Variants in CNTN5 observed in about 807,000 individuals in gnomAD.
CNTN5 encodes contactin-5.
A neutral mutation model predicts 129.1 loss-of-function variants in CNTN5; 77 were observed. The observed-to-expected ratio is 0.60, with a 90% confidence interval of 0.50 to 0.72. The LOEUF is 0.72. Among genes scored for constraint, CNTN5 ranks in the 30% least tolerant of loss-of-function variants. The pLI is 0.00. For missense variants in CNTN5, 1,478 were observed against 1,328.8 expected (o/e 1.11, Z -1.75); for synonymous variants, 509 against 465.6 (o/e 1.09, Z -1.20).
At position 99,194,495 on chromosome 11, in the gene CNTN5, C is replaced by G. The variant is rs151053860; in HGVS notation, c.-209-130851C>G. On this transcript the variant is annotated intron_variant, in intron 1 of 24. Coordinates refer to ENST00000524871, the MANE Select transcript of CNTN5 (RefSeq NM_014361.4). ...TATTATCCCCAAAAGCTGAAGTTCT[C>G]TAATATAATAATTTGATTATGAGAA... is the stretch of plus-strand genomic sequence containing the variant. Among the ~76,000 whole-genome samples, 12 of 152,218 alleles carry G rather than the reference C, an allele frequency of 7.9e-5. No homozygotes were observed. In the East Asian group the frequency reaches 2.3e-3, roughly 29 times the overall value.
intron 7 of CNTN5, among the ~76,000 whole-genome samples, chr11:99,927,782 C>T (rs933884597): frequency 1.8e-4 from 28 of 152,124 alleles, no homozygotes; most frequent in African/African-American, 6.5e-4. Flanking sequence ...TATTATTCCA[C>T]CTCTGGCCCC....
At chr11:99,249,006 G>A (rs1424560373) in intron 1 of CNTN5, among the ~76,000 whole-genome samples, 1 of 152,158 alleles carries the variant, frequency 6.6e-6, no homozygotes, top group Non-Finnish European at 1.5e-5. Flanking sequence ...TGCGAAGAAA[G>A]TCATTTGTAG....
At chr11:99,166,685 T>C (rs1398569565) in intron 1 of CNTN5, among the ~76,000 whole-genome samples, 1 of 152,026 alleles carries the variant, frequency 6.6e-6, no homozygotes, top group African/African-American at 2.4e-5. Flanking sequence ...GAACAATAGT[T>C]ATACAGCTGA....
chr11:99,707,886 A>G (rs1261934572), intron 3 of CNTN5, among the ~76,000 whole-genome samples: 1 of 151,568 alleles, frequency 6.6e-6, no homozygotes, highest in Non-Finnish European at 1.5e-5. Flanking sequence ...TGGGAAACCT[A>G]TTTTATCATT....
chr11:100,159,550 T>C (rs1947369903), intron 13 of CNTN5, among the ~76,000 whole-genome samples: 1 of 151,940 alleles, frequency 6.6e-6, no homozygotes, highest in Non-Finnish European at 1.5e-5. Flanking sequence ...CCAGAGCTTG[T>C]ATTTAGAGTT....
intron 1 of CNTN5, among the ~76,000 whole-genome samples, chr11:99,186,267 G>A (rs1472595245): frequency 6.6e-6 from 1 of 151,830 alleles, no homozygotes; most frequent in Non-Finnish European, 1.5e-5. Flanking sequence ...ACACAATAGA[G>A]AGAAATACTT....
intron 8 of CNTN5, among the ~76,000 whole-genome samples, chr11:99,973,211 G>T (rs1937694276): frequency 6.6e-6 from 1 of 152,120 alleles, no homozygotes; most frequent in Admixed American, 6.5e-5. Context: ...TATTCAGTCA[G>T]ATTATGAAAC....
chr11:99,086,167 A>G (rs765081722), intron 1 of CNTN5, among the ~76,000 whole-genome samples: 12 of 152,166 alleles, frequency 7.9e-5, no homozygotes, highest in Non-Finnish European at 1.6e-4. Flanking sequence ...CACTTGTTCC[A>G]GGTCAGGATA....
At chr11:99,068,403 G>A (rs1169298592) in intron 1 of CNTN5, among the ~76,000 whole-genome samples, 1 of 152,154 alleles carries the variant, frequency 6.6e-6, no homozygotes, top group Non-Finnish European at 1.5e-5. Context: ...GAGTGCACAG[G>A]TAGACTAAGA....
chr11:99,047,328 A>T (rs1313811113), intron 1 of CNTN5, among the ~76,000 whole-genome samples: 1 of 151,210 alleles, frequency 6.6e-6, no homozygotes, highest in Admixed American at 6.6e-5. Flanking sequence ...GTGTTATAAA[A>T]TTATCAGTAT....
At chr11:99,922,162 G>GGTGC (rs1183269636) in intron 7 of CNTN5, among the ~76,000 whole-genome samples, 21 of 152,142 alleles carry the variant, frequency 1.4e-4, no homozygotes, top group African/African-American at 4.8e-4. Flanking sequence ...GAGGGGCAAA[G>GGTGC]GTGCGTCTTA....
At chr11:99,045,202 G>A (rs1864159309) in intron 1 of CNTN5, among the ~76,000 whole-genome samples, 1 of 152,142 alleles carries the variant, frequency 6.6e-6, no homozygotes, top group African/African-American at 2.4e-5. Flanking sequence ...ATCCCAGAGT[G>A]ATACTTCCTT....
chr11:100,004,329 C>T (rs995723877), intron 9 of CNTN5, among the ~76,000 whole-genome samples: 1 of 152,058 alleles, frequency 6.6e-6, no homozygotes, highest in Non-Finnish European at 1.5e-5. Flanking sequence ...TTTGCACTTG[C>T]TGTTTCTTAC....
intron 13 of CNTN5, among the ~76,000 whole-genome samples, chr11:100,121,091 G>C (rs898361048): frequency 6.6e-5 from 10 of 151,938 alleles, no homozygotes; most frequent in Non-Finnish European, 8.8e-5. Context: ...GGAGCCCTCA[G>C]AATGAAGACC....
At chr11:99,514,320 G>T (rs541442992) in intron 2 of CNTN5, among the ~76,000 whole-genome samples, 1 of 152,128 alleles carries the variant, frequency 6.6e-6, no homozygotes, top group East Asian at 1.9e-4. Flanking sequence ...GAACATTGTG[G>T]AAATGACAAC....
chr11:99,124,430 A>G (rs1444922373), intron 1 of CNTN5, among the ~76,000 whole-genome samples: 1 of 152,006 alleles, frequency 6.6e-6, no homozygotes, highest in African/African-American at 2.4e-5. Context: ...GCTTTTCTGC[A>G]GAGACTATGG....
chr11:99,556,822 T>C (rs1342006932), intron 3 of CNTN5, among the ~76,000 whole-genome samples: 8 of 150,800 alleles, frequency 5.3e-5, no homozygotes, highest in Admixed American at 4.6e-4. Flanking sequence ...TCTGACTTTG[T>C]TGTAATTAAA....
At chr11:99,210,258 C>A (rs1377285092) in intron 1 of CNTN5, among the ~76,000 whole-genome samples, 1 of 152,184 alleles carries the variant, frequency 6.6e-6, no homozygotes, top group Non-Finnish European at 1.5e-5. Flanking sequence ...TTCCATTATT[C>A]TCATTTGCAC....
chr11:99,444,393 C>G (rs1943973695), intron 2 of CNTN5, among the ~76,000 whole-genome samples: 1 of 151,616 alleles, frequency 6.6e-6, no homozygotes, highest in African/African-American at 2.4e-5. Flanking sequence ...AACAAACAAG[C>G]AAATATCCTA....
Sources: allele counts gnomAD v4.1 joint callset (sites outside exome capture counted in the v4.1 genomes callset), GRCh38; gene constraint gnomAD v4.1.1; transcripts MANE v1.5; gene names NCBI Gene and HGNC (gene_info 2026-07-23, HGNC 2026-07-21).